Variants in GRHL2 observed in about 807,000 individuals in gnomAD.
GRHL2 encodes grainyhead like transcription factor 2.
In GRHL2, 21 loss-of-function variants were observed where a neutral mutation model predicts 83.8. The observed-to-expected ratio is 0.25, with a 90% CI of 0.18 to 0.36. The LOEUF (loss-of-function observed/expected upper bound fraction) is 0.36, where lower values mean the gene tolerates loss of function less well. Among genes scored for constraint, GRHL2 ranks in the 10% least tolerant of loss-of-function variants. GRHL2 has a pLI of 1.00. For missense variants in GRHL2, 623 were observed against 781.8 expected, an observed-to-expected ratio of 0.80 and a Z score of 2.42; for synonymous variants, 280 against 278.9, an observed-to-expected ratio of 1.00 and a Z score of -0.04.
intron 9 of GRHL2, among the ~76,000 whole-genome samples, chr8:101,622,910 C>T (rs991868075): frequency 2.6e-5 from 4 of 152,180 alleles, no homozygotes; most frequent in Non-Finnish European, 5.9e-5. Context: ...TAGCTTACCT[C>T]CCACATATCA....
chr8:101,591,611 AGT>A (rs1376354059), intron 7 of GRHL2, among the ~76,000 whole-genome samples: 1 of 152,196 alleles, frequency 6.6e-6, no homozygotes, highest in Non-Finnish European at 1.5e-5. Context: ...AGTGGTTAAA[AGT>A]GTGGCTTTTT....
Position 101,619,642 on chromosome 8 carries a change from G to C in GRHL2, c.1202G>C (p.Arg401Pro). ...ATTGACACATACAGTTATAACAATC[G>C]TAGCAATAAACCCATTCATAGAGCT... ...IQIDTYSYNN[R>P]SNKPIHRAYC... is the part of the protein sequence containing the mutation. Residue 401 changes from arginine to proline, a missense_variant, in exon 9 of 16, where the codon CGT becomes CCT. This residue lies in a region of GRHL2 where 24 missense variants were observed against 25.5 expected (regional missense o/e 0.94). Coordinates refer to ENST00000646743, the MANE Select transcript of GRHL2 (RefSeq NM_024915.4). 6.2e-7 allele frequency: 1 copy of C among 1,613,064 alleles called. No individual in the cohort carries two copies. Among genetic ancestry groups the C allele is most frequent in the Non-Finnish European group, 8.5e-7 (1 of 1,179,170 alleles).
the GRHL2 span, among the ~76,000 whole-genome samples, chr8:101,679,554 A>G: frequency 1.3e-5 from 2 of 150,228 alleles, no homozygotes; most frequent in Admixed American, 6.6e-5. Flanking sequence ...GCCAACGTTC[A>G]GATTCAGGAA....
chr8:101,557,768 C>T (rs1811517673), intron 3 of GRHL2, among the ~76,000 whole-genome samples: 2 of 152,066 alleles, frequency 1.3e-5, no homozygotes, highest in Admixed American at 6.5e-5. Context: ...TCTGGTTTGT[C>T]TGATCGCTTC....
intron 8 of GRHL2, among the ~76,000 whole-genome samples, chr8:101,618,311 T>C (rs1320194385): frequency 6.6e-6 from 1 of 152,226 alleles, no homozygotes; most frequent in Non-Finnish European, 1.5e-5. Flanking sequence ...CTTTTGTTGG[T>C]CAGCACTGTA....
At chr8:101,535,754 G>A (rs1315117824) in intron 1 of GRHL2, among the ~76,000 whole-genome samples, 2 of 152,056 alleles carry the variant, frequency 1.3e-5, no homozygotes, top group East Asian at 1.9e-4. Context: ...TGGCCAGGCT[G>A]GTCTCGAACT....
chr8:101,631,577 G>A, intron 9 of GRHL2, 60 bp from the exon 10 acceptor site: 1 of 1,311,618 alleles, frequency 7.6e-7, no homozygotes, highest in East Asian at 2.4e-5. Context: ...TGTGTGACAT[G>A]ACTTTTGCAT....
downstream of GRHL2, among the ~76,000 whole-genome samples, chr8:101,670,896 C>T (rs549945655): frequency 1.3e-5 from 2 of 152,328 alleles, no homozygotes; most frequent in East Asian, 3.9e-4. Context: ...GCAAGTTAGA[C>T]ACAGTCTGCC....
At chr8:101,508,106 C>T (rs1810377973) in intron 1 of GRHL2, among the ~76,000 whole-genome samples, 1 of 152,120 alleles carries the variant, frequency 6.6e-6, no homozygotes, top group African/African-American at 2.4e-5. Context: ...ATCCTTATCA[C>T]TAAATTTTGC....
At chr8:101,637,106 A>G (rs547231798) in intron 12 of GRHL2, among the ~76,000 whole-genome samples, 178 bp downstream of exon 12, 1 of 152,186 alleles carries the variant, frequency 6.6e-6, no homozygotes, top group Non-Finnish European at 1.5e-5. Context: ...GGGCTGGAGG[A>G]ATGAATAGCT....
intron 1 of GRHL2, among the ~76,000 whole-genome samples, chr8:101,531,222 CA>C (rs34027383): frequency 0.011 from 1,501 of 131,850 alleles, 9 homozygotes; most frequent in Middle Eastern, 0.024. Flanking sequence ...GACCTTATCT[CA>C]AAAAAAAAAA....
chr8:101,513,069 C>T (rs529104049), intron 1 of GRHL2, among the ~76,000 whole-genome samples: 3 of 151,958 alleles, frequency 2.0e-5, no homozygotes, highest in African/African-American at 7.2e-5. Flanking sequence ...TATTTTTTTC[C>T]CCTTGTTTTC....
intron 1 of GRHL2, among the ~76,000 whole-genome samples, chr8:101,523,067 G>A (rs1369411709): frequency 6.6e-6 from 1 of 151,400 alleles, no homozygotes; most frequent in Non-Finnish European, 1.5e-5. Context: ...CCGCCACCAT[G>A]CCCCGCTAAT....
chr8:101,618,017 A>C (rs368919250), intron 8 of GRHL2, among the ~76,000 whole-genome samples: 33 of 152,360 alleles, frequency 2.2e-4, no homozygotes, highest in African/African-American at 7.2e-4. Flanking sequence ...TGAATAGTTT[A>C]ACATTTTATT....
intron 1 of GRHL2, among the ~76,000 whole-genome samples, chr8:101,526,677 A>C (rs1340936298): frequency 6.6e-6 from 1 of 152,056 alleles, no homozygotes; most frequent in African/African-American, 2.4e-5. Context: ...GTAGTTTGTC[A>C]ATATGTCATT....
At chr8:101,673,660 T>G (rs1814245139), downstream of GRHL2, among the ~76,000 whole-genome samples, 1 of 151,562 alleles carries the variant, frequency 6.6e-6, no homozygotes, top group South Asian at 2.1e-4. Flanking sequence ...AGACAGAAAG[T>G]TAACAAGGAT....
chr8:101,597,966 T>G lies in GRHL2; in HGVS notation c.1004-1091T>G, dbSNP rs147999906. Among the ~76,000 whole-genome samples the G allele has an allele frequency of 4.6e-3, 703 of 152,286 alleles. 2 individuals carry two copies. Among genetic ancestry groups the G allele is most frequent in the South Asian group, 0.019 (90 of 4,824 alleles). On this transcript the variant is annotated intron_variant, in intron 7 of 15. Transcript: ENST00000646743. ...GAATTTCTGATAAATAATGAATACA[T>G]TTTGAAGATAAGTATATCCCAAATA...
intron 1 of GRHL2, among the ~76,000 whole-genome samples, chr8:101,533,123 T>C (rs1442509680): frequency 6.6e-6 from 1 of 152,028 alleles, no homozygotes; most frequent in Non-Finnish European, 1.5e-5. Context: ...TTAAGGAGAA[T>C]AGAAGAATGA....
rs6468783 is a variant in GRHL2, at chr8:101,669,532, G to A, written c.*2829G>A. The A allele has an allele frequency of 0.052, 7,852 of 151,564 alleles. 222 individuals are homozygous for A. The highest frequency in any genetic ancestry group is 0.14 in the Middle Eastern group (39 of 288). The allele number at this position is 151,564 out of a possible 1,614,324, so 9.4% of individuals were successfully genotyped here. On this transcript the variant is annotated 3_prime_UTR_variant, in exon 16 of 16. Transcript: ENST00000646743. ...AGGGTTTGTGCCAAATGCTATGAAC[G>A]GCCCTTTCTTAAAGACAAGCAAGGG... is the stretch of plus-strand genomic sequence containing the variant.
Sources: gnomAD v4.1 joint callset for allele counts (sites outside exome capture counted in the v4.1 genomes callset) on GRCh38, gnomAD v4.1.1 for gene constraint, gnomAD v4.1.1 regional missense constraint, MANE v1.5 for transcripts, NCBI Gene and HGNC (gene_info 2026-07-23, HGNC 2026-07-21) for gene names.